RNF19B: variants seen among roughly 807,000 people sequenced by gnomAD.
RNF19B encodes the protein E3 ubiquitin-protein ligase RNF19B.
A neutral mutation model predicts 65.5 loss-of-function variants in RNF19B; 23 were observed. That is an observed-to-expected ratio of 0.35 (90% CI 0.25 to 0.50). The LOEUF is 0.50. Among genes scored for constraint, RNF19B ranks in the 20% least tolerant of loss-of-function variants. The pLI, the probability that RNF19B is intolerant of heterozygous loss-of-function variation, is 0.98. For synonymous variants in RNF19B, 372 were observed against 379.6 expected, an observed-to-expected ratio of 0.98 and a Z score of 0.23; for missense variants, 794 against 980.0, an observed-to-expected ratio of 0.81 and a Z score of 2.53.
intron 6 of RNF19B, 45 bp from the exon 7 acceptor site, chr1:32,942,504 A>C: frequency 6.5e-7 from 1 of 1,538,388 alleles, no homozygotes; most frequent in Non-Finnish European, 9.0e-7. Flanking sequence ...CAGAGCATCA[A>C]AACAGTCAGT....
intron 1 of RNF19B, among the ~76,000 whole-genome samples, chr1:32,955,941 C>A (rs1407041413): frequency 2.0e-5 from 3 of 152,092 alleles, no homozygotes; most frequent in African/African-American, 7.2e-5. Context: ...GTGAAGAATA[C>A]AGACACAGCT....
At chr1:32,938,294 A>C (rs769965690) in intron 8 of RNF19B, 103 bp downstream of exon 8, 116 of 1,227,486 alleles carry the variant, frequency 9.5e-5, no homozygotes, top group Non-Finnish European at 1.3e-4. Flanking sequence ...TATATATCCC[A>C]GGAGATGGTA....
At chr1:32,929,671 AC>A in the RNF19B span, among the ~76,000 whole-genome samples, 3 of 152,056 alleles carry the variant, frequency 2.0e-5, no homozygotes, top group African/African-American at 7.3e-5. Context: ...AGTACCCTGC[AC>A]CCCCTTTTTC....
chr1:32,950,257 G>A (rs1642462758), intron 1 of RNF19B, among the ~76,000 whole-genome samples: 1 of 152,166 alleles, frequency 6.6e-6, no homozygotes, highest in Non-Finnish European at 1.5e-5. Context: ...ACAGGCGTGA[G>A]CCACCATGCC....
the RNF19B span, among the ~76,000 whole-genome samples, chr1:32,930,599 G>T: frequency 3.1e-3 from 476 of 152,046 alleles, 1 homozygote; most frequent in African/African-American, 0.011. Context: ...GTAGAGATGG[G>T]GTCTCACTAT....
downstream of RNF19B, among the ~76,000 whole-genome samples, chr1:32,935,566 C>T (rs774659865): frequency 6.6e-6 from 1 of 152,228 alleles, no homozygotes; most frequent in African/African-American, 2.4e-5. Context: ...CATTACAAAT[C>T]TCAGATTTTA....
the RNF19B span, among the ~76,000 whole-genome samples, chr1:32,930,689 T>A: frequency 6.6e-6 from 1 of 152,118 alleles, no homozygotes; most frequent in Non-Finnish European, 1.5e-5. Flanking sequence ...ATTACAAGCA[T>A]CAGCCACAAC....
intron 1 of RNF19B, among the ~76,000 whole-genome samples, chr1:32,954,823 A>G (rs1337180245): frequency 6.6e-6 from 1 of 152,024 alleles, no homozygotes; most frequent in East Asian, 1.9e-4. Flanking sequence ...AAACGTAGCT[A>G]AACACGTTCT....
At chr1:32,937,552 A>T (rs570718096) in intron 8 of RNF19B, among the ~76,000 whole-genome samples, 4 of 151,842 alleles carry the variant, frequency 2.6e-5, no homozygotes, top group South Asian at 2.1e-4. Context: ...TTTCTAAAAT[A>T]AAAAAAATTA....
At chr1:32,947,758 C>T (rs1244955556) in intron 3 of RNF19B, among the ~76,000 whole-genome samples, 1 of 151,394 alleles carries the variant, frequency 6.6e-6, no homozygotes, top group Non-Finnish European at 1.5e-5. Context: ...AAGATACTTA[C>T]AGTTTAGTAA....
Position 32,937,225 on chromosome 1 carries a change from CAATGTCCACTTGGAT to C in RNF19B, c.1762_1776del (p.Ile588_Ile592del). Reference sequence around the variant, plus strand: ...AGCTGATAGTGGCTTGGTTTGGCTTCAATGTCCACTTGGATTTCCATATTGTTGCATTCTCTGTGG... The same window carrying C: ...AGCTGATAGTGGCTTGGTTTGGCTTCTTCCATATTGTTGCATTCTCTGTGG... On this transcript the variant is annotated inframe_deletion, in exon 9 of 9. Coordinates refer to ENST00000235150, the MANE Select transcript of RNF19B (RefSeq NM_001300826.2). 6.2e-7 allele frequency: 1 copy of C among 1,614,080 alleles called. No homozygotes were observed. Among genetic ancestry groups the C allele is most frequent in the Non-Finnish European group, 8.5e-7 (1 of 1,180,030 alleles).
intron 4 of RNF19B, 131 bp from the exon 5 acceptor site, chr1:32,945,759 T>C: frequency 1.9e-6 from 1 of 526,810 alleles, no homozygotes; most frequent in Non-Finnish European, 3.4e-6. Context: ...CAAATAGGCA[T>C]CTTTATCAAA....
At chr1:32,963,757 C>T (rs1642828923) in intron 1 of RNF19B, among the ~76,000 whole-genome samples, 1 of 152,092 alleles carries the variant, frequency 6.6e-6, no homozygotes, top group Admixed American at 6.6e-5. Flanking sequence ...ACTGTCCTCA[C>T]CTCCGGACAG....
chr1:32,933,260 T>A (rs77016074), downstream of RNF19B, among the ~76,000 whole-genome samples: 1,849 of 141,962 alleles, frequency 0.013, 21 homozygotes, highest in African/African-American at 0.022. Flanking sequence ...TATTATTATT[T>A]TTTTTTTTTT....
intron 5 of RNF19B, 121 bp from the exon 6 acceptor site, chr1:32,944,280 C>T: frequency 9.0e-7 from 1 of 1,115,388 alleles, no homozygotes. Flanking sequence ...AAGTGGCTAT[C>T]CCAAAAAGGT....
At chr1:32,939,398 G>A (rs1317646437) in intron 7 of RNF19B, among the ~76,000 whole-genome samples, 1 of 152,120 alleles carries the variant, frequency 6.6e-6, no homozygotes, top group Non-Finnish European at 1.5e-5. Flanking sequence ...ATGTTGGCCA[G>A]GCTGGTCTTG....
chr1:32,932,805 C>CT (rs1040177925), downstream of RNF19B, among the ~76,000 whole-genome samples: 22 of 152,334 alleles, frequency 1.4e-4, no homozygotes, highest in African/African-American at 5.0e-4. Flanking sequence ...ATCCACTACT[C>CT]TCCCCACCTT....
At chr1:32,962,119 C>T (rs1319514441) in intron 1 of RNF19B, among the ~76,000 whole-genome samples, 1 of 152,054 alleles carries the variant, frequency 6.6e-6, no homozygotes, top group Non-Finnish European at 1.5e-5. Context: ...CAGGTGTGCA[C>T]CACCATGCCC....
chr1:32,959,076 A>G (rs1017397065), intron 1 of RNF19B, among the ~76,000 whole-genome samples: 5 of 152,200 alleles, frequency 3.3e-5, no homozygotes, highest in African/African-American at 1.2e-4. Context: ...TCTTGCTCAA[A>G]GAGCTTGCTT....
Sources: allele counts gnomAD v4.1 joint callset (sites outside exome capture counted in the v4.1 genomes callset), GRCh38; gene constraint gnomAD v4.1.1; transcripts MANE v1.5; gene names NCBI Gene and HGNC (gene_info 2026-07-23, HGNC 2026-07-21).